PPWD1: variants seen among roughly 807,000 people sequenced by gnomAD.
The protein encoded by PPWD1 is peptidylprolyl isomerase domain and WD repeat-containing protein 1.
PPWD1 carries 43 observed loss-of-function variants against 68.8 expected under a neutral mutation model. The observed-to-expected ratio is 0.62, with a 90% CI of 0.49 to 0.81. The LOEUF is 0.81. Ranked by LOEUF, PPWD1 falls within the 30% of genes least tolerant of loss-of-function variation. PPWD1 has a pLI of 0.00. For synonymous variants in PPWD1, 232 were observed against 258.7 expected (o/e 0.90, Z 0.99); for missense variants, 672 against 804.8 (o/e 0.83, Z 2.00).
At chr5:65,578,548 A>C (rs1211102856) in intron 6 of PPWD1, among the ~76,000 whole-genome samples, 1 of 151,968 alleles carries the variant, frequency 6.6e-6, no homozygotes, top group African/African-American at 2.4e-5. Context: ...GTGTAATGGT[A>C]TCTTGTTTTA....
chr5:65,579,677 G>C, intron 7 of PPWD1, 64 bp downstream of exon 7: 4 of 1,203,176 alleles, frequency 3.3e-6, no homozygotes, highest in Non-Finnish European at 4.4e-6. Flanking sequence ...ACTTTTCTTT[G>C]TTTGTACCTT....
At chr5:65,569,222 T>C in intron 2 of PPWD1, 1 of 305,428 alleles carries the variant, frequency 3.3e-6, no homozygotes, top group Non-Finnish European at 6.4e-6. Flanking sequence ...TAAAAAAAAC[T>C]TTTGTTGAAT....
intron 1 of PPWD1, 54 bp downstream of exon 1, chr5:65,563,560 G>A (rs901366385): frequency 2.6e-6 from 4 of 1,546,888 alleles, no homozygotes; most frequent in Non-Finnish European, 3.5e-6. Context: ...CGCTGAGTAG[G>A]AGGGTTCAAG....
intron 8 of PPWD1, among the ~76,000 whole-genome samples, chr5:65,584,709 T>G (rs1753744397): frequency 6.6e-6 from 1 of 152,106 alleles, no homozygotes; most frequent in Non-Finnish European, 1.5e-5. Flanking sequence ...AAAACATATT[T>G]TTAAGGTGCT....
At chr5:65,567,484 G>T in intron 1 of PPWD1, 29 bp from the exon 2 acceptor site, 1 of 1,575,536 alleles carries the variant, frequency 6.3e-7, no homozygotes. Flanking sequence ...GTTAAAAATA[G>T]ATCTTATACT....
intron 7 of PPWD1, 86 bp from the exon 8 acceptor site, chr5:65,582,952 A>G (rs1338709638): frequency 7.1e-7 from 1 of 1,416,314 alleles, no homozygotes; most frequent in Non-Finnish European, 9.4e-7. Flanking sequence ...TTTCTTAAGT[A>G]CTTCATTAGA....
At chr5:65,572,392 TA>T in intron 5 of PPWD1, 106 bp downstream of exon 5, 12 of 1,183,356 alleles carry the variant, frequency 1.0e-5, no homozygotes, top group Non-Finnish European at 1.4e-5. Flanking sequence ...TAGATAGACT[TA>T]TTTTTTTCTT....
Position 65,573,132 on chromosome 5 carries a change from A to G in PPWD1, c.969+846A>G, listed in dbSNP as rs539910496. On this transcript the variant is annotated intron_variant, in intron 5 of 10. Transcript: ENST00000261308. ...TTATTTCTTGAACCTGCCTCCCACCACAGGACCTTTTTATAAGTTGTTTCC... is the reference window on the plus strand; with the variant it reads ...TTATTTCTTGAACCTGCCTCCCACCGCAGGACCTTTTTATAAGTTGTTTCC... 3.4e-4 allele frequency among the ~76,000 whole-genome samples: 52 copies of G among 151,974 alleles called. 1 individual carries two copies. In the South Asian group the frequency reaches 0.01, roughly 30 times the overall value.
At chr5:65,574,758 C>T (rs191598727) in intron 5 of PPWD1, among the ~76,000 whole-genome samples, 16 of 152,306 alleles carry the variant, frequency 1.1e-4, no homozygotes, top group African/African-American at 3.1e-4. Flanking sequence ...CCACCGCGCC[C>T]GGCCGGCACA....
intron 5 of PPWD1, among the ~76,000 whole-genome samples, chr5:65,572,960 A>G (rs1259686891): frequency 6.6e-6 from 1 of 152,160 alleles, no homozygotes; most frequent in Non-Finnish European, 1.5e-5. Context: ...TTACAAGCAT[A>G]TATCTGGTCA....
chr5:65,563,327 G>A lies in PPWD1; in HGVS notation c.17G>A (p.Gly6Asp), dbSNP rs1409110633. 6.2e-7 allele frequency: 1 copy of A among 1,613,570 alleles called. No homozygotes were observed. Among genetic ancestry groups the A allele is most frequent in the East Asian group, 2.2e-5 (1 of 44,868 alleles). Residue 6 changes from glycine to aspartate, a missense_variant, in exon 1 of 11, where the codon GGT becomes GAT. By Grantham distance (94) the Gly-to-Asp change is moderately conservative (BLOSUM62 -1). Coordinates refer to ENST00000261308, the MANE Select transcript of PPWD1 (RefSeq NM_015342.4). Reference sequence around the variant, plus strand: ...GCGAACAACATGGCGGCGGAAAGTGGTAGCGATTTTCAGCAGAGACGTAGA... The same window carrying A: ...GCGAACAACATGGCGGCGGAAAGTGATAGCGATTTTCAGCAGAGACGTAGA... MAAES[G>D]SDFQQRRRRR... is the part of the protein sequence containing the mutation.
chr5:65,587,525 A>T lies in PPWD1; in HGVS notation c.*129A>T. 1.4e-6 allele frequency: 1 copy of T among 733,552 alleles called. No individual in the cohort carries two copies. The highest frequency in any genetic ancestry group is 2.0e-6 in the Non-Finnish European group (1 of 509,360). 45.4% of individuals were successfully genotyped at this position (733,552 alleles called of 1,614,324 possible). ...AAGATACAGTATTTTTGTATTTTTT[A>T]TTAAAGGCTATTTTTTAAAAATTAC... On this transcript the variant is annotated 3_prime_UTR_variant, in exon 11 of 11. Coordinates refer to ENST00000261308, the MANE Select transcript of PPWD1 (RefSeq NM_015342.4).
At chr5:65,580,562 A>G (rs37335) in intron 7 of PPWD1, among the ~76,000 whole-genome samples, 46,207 of 151,996 alleles carry the variant, frequency 0.3, 7,360 homozygotes, top group African/African-American at 0.38. Context: ...TGCCCAGGCT[A>G]GAGTGCAGTG....
intron 7 of PPWD1, among the ~76,000 whole-genome samples, chr5:65,581,959 T>C (rs1475247199): frequency 2.0e-5 from 3 of 152,292 alleles, no homozygotes; most frequent in East Asian, 1.9e-4. Context: ...TCCAACATCA[T>C]GAAATAAAAG....
intron 1 of PPWD1, among the ~76,000 whole-genome samples, chr5:65,567,086 A>G (rs891914811): frequency 3.9e-5 from 6 of 152,186 alleles, no homozygotes; most frequent in Admixed American, 1.3e-4. Flanking sequence ...CATCTTACAG[A>G]TGGCCACTGG....
chr5:65,563,736 T>C (rs1412300418), intron 1 of PPWD1: 3 of 1,430,166 alleles, frequency 2.1e-6, no homozygotes, highest in South Asian at 1.2e-5. Context: ...TGATTTGTTA[T>C]GACAGATGCT....
chr5:65,567,598 C>T lies in PPWD1; in HGVS notation c.282C>T (p.Thr94=). The change falls in exon 2 of 11, where the codon ACC becomes ACT. Residue 94 remains threonine, a synonymous_variant. Coordinates refer to ENST00000261308, the MANE Select transcript of PPWD1 (RefSeq NM_015342.4). ...GTTACATGCATAGAGATGTTATCACCCATGTGGTATGCACCAAGTAAGTCT... is the reference window on the plus strand; with the variant it reads ...GTTACATGCATAGAGATGTTATCACTCATGTGGTATGCACCAAGTAAGTCT... ...ERSYMHRDVI[T]HVVCTKTDFI... 6.2e-7 allele frequency: 1 copy of T among 1,608,880 alleles called. No homozygotes were observed. The highest frequency in any genetic ancestry group is 1.3e-5 in the African/African-American group (1 of 74,674).
At chr5:65,563,925 C>T (rs1040691414) in intron 1 of PPWD1, 17 of 1,254,166 alleles carry the variant, frequency 1.4e-5, no homozygotes, top group Non-Finnish European at 1.7e-5. Context: ...GAGAGGAAGG[C>T]GGTGCTTATT....
Position 65,563,526 on chromosome 5 carries a change from C to T in PPWD1, c.196+20C>T, listed in dbSNP as rs750381205. The T allele has an allele frequency of 1.3e-6, 2 of 1,597,054 alleles. No homozygotes were observed. The highest frequency in any genetic ancestry group is 1.7e-6 in the Non-Finnish European group (2 of 1,172,204). On this transcript the variant is annotated intron_variant, in intron 1 of 10. Transcript: ENST00000261308. Reference sequence around the variant, plus strand: ...GGAAAGGTAGCTGCAGACATAGTACCGGGACGAATTGGAGTGCTGCGTCCG... The same window carrying T: ...GGAAAGGTAGCTGCAGACATAGTACTGGGACGAATTGGAGTGCTGCGTCCG...
Sources: allele counts gnomAD v4.1 joint callset (sites outside exome capture counted in the v4.1 genomes callset), GRCh38; gene constraint gnomAD v4.1.1; transcripts MANE v1.5; gene names NCBI Gene and HGNC (gene_info 2026-07-23, HGNC 2026-07-21).